The following SLC24A2 variants were observed in gnomAD, a reference collection of about 807,000 sequenced individuals.
SLC24A2 encodes solute carrier family 24 member 2, also known as sodium/potassium/calcium exchanger 2.
Under a neutral mutation model 62.0 loss-of-function variants are expected in SLC24A2, and 36 were observed. The ratio of observed to expected loss-of-function variants is 0.58; its 90% CI spans 0.44 to 0.77. The LOEUF (loss-of-function observed/expected upper bound fraction) is 0.77. Ranked by LOEUF, SLC24A2 falls within the 30% of genes least tolerant of loss-of-function variation. The pLI is 0.00. For synonymous variants in SLC24A2, 358 were observed against 294.0 expected, an observed-to-expected ratio of 1.22 and a Z score of -2.23; for missense variants, 846 against 817.9, an observed-to-expected ratio of 1.03 and a Z score of -0.42.
chr9:19,820,562 A>T, the SLC24A2 span, among the ~76,000 whole-genome samples: 1 of 151,854 alleles, frequency 6.6e-6, no homozygotes, highest in African/African-American at 2.4e-5. Flanking sequence ...AATAAATAAA[A>T]ATAAAGAGTT....
the SLC24A2 span, among the ~76,000 whole-genome samples, chr9:20,047,680 G>C: frequency 6.8e-6 from 1 of 147,406 alleles, no homozygotes; most frequent in Non-Finnish European, 1.5e-5. Flanking sequence ...TGTACATAGA[G>C]GAAATGGGGA....
At chr9:20,200,991 G>A in the SLC24A2 span, among the ~76,000 whole-genome samples, 2 of 152,174 alleles carry the variant, frequency 1.3e-5, no homozygotes, top group East Asian at 1.9e-4. Context: ...ATACAGCCCA[G>A]GATTATTCCA....
the SLC24A2 span, among the ~76,000 whole-genome samples, chr9:20,276,274 T>A: frequency 6.6e-6 from 1 of 152,170 alleles, no homozygotes; most frequent in African/African-American, 2.4e-5. Flanking sequence ...AATGCAGCCA[T>A]TCCAAATGGG....
At chr9:19,830,635 G>A in the SLC24A2 span, among the ~76,000 whole-genome samples, 11 of 152,122 alleles carry the variant, frequency 7.2e-5, no homozygotes, top group Admixed American at 6.5e-5. Context: ...GAACCAGCAA[G>A]GCCACAAAAA....
chr9:19,573,610 G>C (rs1835916978), intron 6 of SLC24A2, 141 bp from the exon 7 acceptor site: 4 of 768,120 alleles, frequency 5.2e-6, no homozygotes, highest in Non-Finnish European at 9.0e-6. Context: ...TTCCTAAAAT[G>C]TTGGGCTAAA....
chr9:20,075,704 G>T, the SLC24A2 span, among the ~76,000 whole-genome samples: 1 of 152,080 alleles, frequency 6.6e-6, no homozygotes, highest in Non-Finnish European at 1.5e-5. Flanking sequence ...AATCAGGGGG[G>T]GATACACTTG....
At chr9:19,550,093 C>T in intron 8 of SLC24A2, 44 bp downstream of exon 8, 2 of 1,596,522 alleles carry the variant, frequency 1.3e-6, no homozygotes, top group African/African-American at 2.7e-5. Flanking sequence ...CTGTTATGTA[C>T]CATATGTTTT....
At chr9:20,145,093 C>T in the SLC24A2 span, among the ~76,000 whole-genome samples, 12 of 152,136 alleles carry the variant, frequency 7.9e-5, no homozygotes, top group Non-Finnish European at 1.3e-4. Flanking sequence ...GTAGAGAAAA[C>T]GTATTTTGTG....
intron 5 of SLC24A2, among the ~76,000 whole-genome samples, chr9:19,594,074 T>G (rs574331687): frequency 3.3e-5 from 5 of 151,976 alleles, no homozygotes; most frequent in Non-Finnish European, 7.4e-5. Context: ...TATTTACTAA[T>G]TCTTTAGGGC....
chr9:20,303,109 T>C, the SLC24A2 span, among the ~76,000 whole-genome samples: 1 of 151,320 alleles, frequency 6.6e-6, no homozygotes, highest in African/African-American at 2.4e-5. Flanking sequence ...CTAAGATACA[T>C]AGATATATCT....
chr9:19,627,493 C>T (rs1282144369), intron 2 of SLC24A2, among the ~76,000 whole-genome samples: 2 of 152,120 alleles, frequency 1.3e-5, no homozygotes, highest in South Asian at 2.1e-4. Context: ...GTTAAATCTA[C>T]ACAATTGTAA....
chr9:19,546,433 A>G (rs1441220274), intron 8 of SLC24A2, among the ~76,000 whole-genome samples: 1 of 151,866 alleles, frequency 6.6e-6, no homozygotes, highest in East Asian at 1.9e-4. Context: ...GGCCTTGCTG[A>G]GCTGCAGTGG....
chr9:20,020,944 T>C, the SLC24A2 span, among the ~76,000 whole-genome samples: 1 of 152,270 alleles, frequency 6.6e-6, no homozygotes, highest in African/African-American at 2.4e-5. Flanking sequence ...TTTCTACTGG[T>C]CTTTATGTTT....
chr9:19,686,788 G>C (rs1444081821), intron 2 of SLC24A2, among the ~76,000 whole-genome samples: 2 of 152,058 alleles, frequency 1.3e-5, no homozygotes, highest in Non-Finnish European at 2.9e-5. Flanking sequence ...ACCCAGCCTT[G>C]GGTATGTCTT....
intron 2 of SLC24A2, among the ~76,000 whole-genome samples, chr9:19,737,951 T>C (rs1821558558): frequency 6.6e-6 from 1 of 152,168 alleles, no homozygotes; most frequent in South Asian, 2.1e-4. Flanking sequence ...AATTTAAGAA[T>C]AACATAAATT....
the SLC24A2 span, among the ~76,000 whole-genome samples, chr9:19,795,868 C>T: frequency 6.6e-6 from 1 of 151,954 alleles, no homozygotes; most frequent in East Asian, 1.9e-4. Flanking sequence ...TTGGAACCAA[C>T]CCAAATGTCC....
the SLC24A2 span, among the ~76,000 whole-genome samples, chr9:19,931,506 T>A: frequency 3.3e-5 from 5 of 152,338 alleles, 1 homozygote; most frequent in South Asian, 1.0e-3. Flanking sequence ...ACTTAAAGTA[T>A]ACAAACATCA....
At chr9:19,990,933 ATATG>A in the SLC24A2 span, among the ~76,000 whole-genome samples, 1 of 48,696 alleles carries the variant, frequency 2.1e-5, no homozygotes, top group African/African-American at 6.5e-5. Context: ...ATATATATAT[ATATG>A]TATGTATATG....
chr9:20,051,657 C>CTTTTTT, the SLC24A2 span, among the ~76,000 whole-genome samples: 2,800 of 73,114 alleles, frequency 0.038, 202 homozygotes, highest in Middle Eastern at 0.073. Flanking sequence ...TTTTCTTTCT[C>CTTTTTT]TTTTTTTTTT....
Sources: gnomAD v4.1 joint callset for allele counts (sites outside exome capture counted in the v4.1 genomes callset) on GRCh38, gnomAD v4.1.1 for gene constraint, MANE v1.5 for transcripts, NCBI Gene and HGNC (gene_info 2026-07-23, HGNC 2026-07-21) for gene names.